Variants in FAM118B observed in about 807,000 individuals in gnomAD.
The protein encoded by FAM118B is SIR2 antiphage like 1.
FAM118B carries 24 observed loss-of-function variants against 38.5 expected under a neutral mutation model. The observed-to-expected ratio is 0.62, with a 90% CI of 0.45 to 0.88. FAM118B has a LOEUF of 0.88. Ranked by LOEUF, FAM118B falls within the 40% of genes least tolerant of loss-of-function variation. The pLI, the probability that FAM118B is intolerant of heterozygous loss-of-function variation, is 0.00. For synonymous variants in FAM118B, 138 were observed against 156.3 expected (o/e 0.88, Z 0.87); for missense variants, 334 against 420.0 (o/e 0.80, Z 1.79).
At chr11:126,233,290 A>G (rs539046600) in intron 2 of FAM118B, among the ~76,000 whole-genome samples, 1 of 152,266 alleles carries the variant, frequency 6.6e-6, no homozygotes, top group South Asian at 2.1e-4. Context: ...AGCCTGATCA[A>G]CATGAAGAAA....
chr11:126,256,477 C>T lies in FAM118B; in HGVS notation c.697-90C>T. ...TTAAGTCTTGCTTAATTGGTCATCA[C>T]AGTCTGCTCAACGTAGCATGACCTT... On this transcript the variant is annotated intron_variant, in intron 6 of 8. Coordinates refer to ENST00000533050, the MANE Select transcript of FAM118B (RefSeq NM_024556.4). The surrounding 1 kb of genome is among the most constrained non-coding windows in gnomAD (Gnocchi z 6.6). 3 of 1,230,730 alleles carry T rather than the reference C, an allele frequency of 2.4e-6. No individual in the cohort carries two copies. Among genetic ancestry groups the T allele is most frequent in the Admixed American group, 2.2e-5 (1 of 46,346 alleles). The allele number at this position is 1,230,730 out of a possible 1,614,324, so 76.2% of individuals were successfully genotyped here. A position where few individuals can be genotyped will look rare whatever the true frequency, so the allele number is the denominator to read the frequency against.
At chr11:126,225,885 CAGG>C (rs1292919543) in intron 1 of FAM118B, among the ~76,000 whole-genome samples, 1 of 152,124 alleles carries the variant, frequency 6.6e-6, no homozygotes, top group Admixed American at 6.6e-5. Flanking sequence ...GAGGCTGAAG[CAGG>C]AGAACTGCTT....
intron 7 of FAM118B, chr11:126,260,773 T>C (rs1240430413): frequency 6.6e-6 from 1 of 152,246 alleles, no homozygotes; most frequent in Non-Finnish European, 1.5e-5. Context: ...TTCTAATGAC[T>C]ATTTTCTTCC....
At chr11:126,254,055 A>C (rs1950541161) in intron 5 of FAM118B, among the ~76,000 whole-genome samples, 1 of 152,210 alleles carries the variant, frequency 6.6e-6, no homozygotes, top group Non-Finnish European at 1.5e-5. Flanking sequence ...TGTTTCTGCA[A>C]ATTATGACAA....
chr11:126,227,502 C>T (rs571174391), intron 1 of FAM118B, among the ~76,000 whole-genome samples: 3 of 152,224 alleles, frequency 2.0e-5, no homozygotes, highest in Admixed American at 6.5e-5. Flanking sequence ...AATGTGAACT[C>T]GAAAGTAATT....
Position 126,250,765 on chromosome 11 carries a change from G to T in FAM118B, c.567+32G>T, listed in dbSNP as rs754570349. 17 of 1,499,608 alleles carry T rather than the reference G, an allele frequency of 1.1e-5. No homozygotes were observed. The highest frequency in any genetic ancestry group is 1.1e-4 in the Admixed American group (6 of 55,336). The allele number at this position is 1,499,608 out of a possible 1,614,324, so 92.9% of individuals were successfully genotyped here. The stretch of plus-strand genomic sequence containing the variant: ...AGTAAAGCATTGGTCCCTTCTTCAG[G>T]CTAGTGGATTTTATCTTCCTCAGAA... On this transcript the variant is annotated intron_variant, in intron 5 of 8. Coordinates refer to ENST00000533050, the MANE Select transcript of FAM118B (RefSeq NM_024556.4). This position sits in a 1 kb window ranked among gnomAD's most constrained non-coding sequence, Gnocchi z 5.1.
chr11:126,250,462 CA>C lies in FAM118B; in HGVS notation c.340-41del, dbSNP rs763906639. On this transcript the variant is annotated intron_variant, in intron 4 of 8. Transcript: ENST00000533050. This position sits in a 1 kb window ranked among gnomAD's most constrained non-coding sequence, Gnocchi z 5.1. ...GCTGTAACTAAAACAACTGACCTAC[CA>C]AAGCACTTTGGACTAATTTTCTTTT... 7.2e-7 allele frequency: 1 copy of C among 1,396,838 alleles called. No individual in the cohort carries two copies. The allele number at this position is 1,396,838 out of a possible 1,614,324, so 86.5% of individuals were successfully genotyped here.
chr11:126,254,498 T>C, intron 6 of FAM118B, 65 bp downstream of exon 6: 1 of 1,593,614 alleles, frequency 6.3e-7, no homozygotes, highest in Non-Finnish European at 8.6e-7. Context: ...AAATATGCCA[T>C]AGATCTTAAA....
chr11:126,232,857 G>A (rs980897472), intron 2 of FAM118B, among the ~76,000 whole-genome samples: 1 of 152,022 alleles, frequency 6.6e-6, no homozygotes, highest in Non-Finnish European at 1.5e-5. Context: ...TTTAGAATCG[G>A]AAGTGAGTCA....
intron 4 of FAM118B, among the ~76,000 whole-genome samples, chr11:126,247,877 AT>A (rs988660754): frequency 2.1e-5 from 3 of 145,734 alleles, no homozygotes; most frequent in Non-Finnish European, 4.5e-5. Context: ...ATATATATAT[AT>A]ATCTATATAT....
intron 6 of FAM118B, 132 bp downstream of exon 6, chr11:126,254,565 G>A (rs1950549058): frequency 1.6e-6 from 2 of 1,219,376 alleles, no homozygotes; most frequent in South Asian, 2.9e-5. Context: ...AGGAGCAGTG[G>A]CTCATGCCTA....
chr11:126,228,545 G>A (rs1198171375), intron 1 of FAM118B, among the ~76,000 whole-genome samples: 1 of 151,010 alleles, frequency 6.6e-6, no homozygotes, highest in Non-Finnish European at 1.5e-5. Context: ...ATTAAGACTT[G>A]TCAATTTTTC....
At chr11:126,237,788 C>T (rs1259272748) in intron 3 of FAM118B, among the ~76,000 whole-genome samples, 5 of 134,830 alleles carry the variant, frequency 3.7e-5, no homozygotes, top group Non-Finnish European at 6.2e-5. Flanking sequence ...ACCTGGGAGG[C>T]GGAGGTTGCA....
In FAM118B at chr11:126,222,323, G is replaced by T. The variant is rs183006779; in HGVS notation, c.-76-6902G>T. On this transcript the variant is annotated intron_variant, in intron 1 of 8. Coordinates refer to ENST00000533050, the MANE Select transcript of FAM118B (RefSeq NM_024556.4). ...CAGCAATACTAATATTCTTAGCACA[G>T]TGCTGGATGTTTAACAGATATTTGA... Among the ~76,000 whole-genome samples the T allele has an allele frequency of 1.1e-3, 162 of 152,322 alleles. 1 individual carries two copies. The highest frequency in any genetic ancestry group is 1.9e-3 in the Non-Finnish European group (128 of 68,030).
rs1245392829 is a variant in FAM118B at position 126,253,479 on chromosome 11, C to A, written c.568-826C>A. On this transcript the variant is annotated intron_variant, in intron 5 of 8. Transcript: ENST00000533050. The surrounding 1 kb of genome is among the most constrained non-coding windows in gnomAD (Gnocchi z 5.1). The stretch of plus-strand genomic sequence containing the variant: ...CTAAATGATTGTTCTTCGCTGGCAG[C>A]CTTTTAGGTTCCTCAGAGGTGACTG... 6.6e-6 allele frequency among the ~76,000 whole-genome samples: 1 copy of A among 152,116 alleles called. No homozygotes were observed. The highest frequency in any genetic ancestry group is 1.5e-5 in the Non-Finnish European group (1 of 68,022).
Position 126,253,731 on chromosome 11 carries a change from T to G in FAM118B, c.568-574T>G, listed in dbSNP as rs1275083199. Among the ~76,000 whole-genome samples the G allele has an allele frequency of 2.0e-5, 3 of 152,164 alleles. No individual in the cohort carries two copies. Among genetic ancestry groups the G allele is most frequent in the Admixed American group, 2.0e-4 (3 of 15,280 alleles). ...CTGAGTGATATAAGGGGACCATACT[T>G]CCCTGCAAGCAATTGGCCAGGCCAT... is the stretch of plus-strand genomic sequence containing the variant. On this transcript the variant is annotated intron_variant, in intron 5 of 8. Transcript: ENST00000533050. This position sits in a 1 kb window ranked among gnomAD's most constrained non-coding sequence, Gnocchi z 5.1.
At chr11:126,237,449 G>C (rs1950291492) in intron 3 of FAM118B, among the ~76,000 whole-genome samples, 1 of 143,740 alleles carries the variant, frequency 7.0e-6, no homozygotes, top group South Asian at 2.2e-4. Context: ...TGTTGACCAG[G>C]CTGATCTCAA....
chr11:126,228,929 A>C (rs1950176194), intron 1 of FAM118B, among the ~76,000 whole-genome samples: 1 of 152,222 alleles, frequency 6.6e-6, no homozygotes, highest in Non-Finnish European at 1.5e-5. Context: ...GACTTGGAAG[A>C]ATCTGCATTT....
chr11:126,242,216 A>G (rs1357842038), intron 4 of FAM118B, among the ~76,000 whole-genome samples: 1 of 152,126 alleles, frequency 6.6e-6, no homozygotes, highest in African/African-American at 2.4e-5. Flanking sequence ...GACACCAAAA[A>G]TGCAAAAAAC....
Sources: gnomAD v4.1 joint callset for allele counts (sites outside exome capture counted in the v4.1 genomes callset) on GRCh38, gnomAD v4.1.1 for gene constraint, Gnocchi (gnomAD v3.1) non-coding constraint, MANE v1.5 for transcripts, NCBI Gene and HGNC (gene_info 2026-07-23, HGNC 2026-07-21) for gene names.